MBNL2: variants seen among roughly 807,000 people sequenced by gnomAD.
MBNL2 encodes the protein muscleblind-like protein 2.
MBNL2 carries 17 observed loss-of-function variants against 41.9 expected under a neutral mutation model. The observed-to-expected ratio is 0.41, with a 90% CI of 0.28 to 0.61. The LOEUF (loss-of-function observed/expected upper bound fraction) is 0.61, where lower values mean the gene tolerates loss of function less well. Among genes scored for constraint, MBNL2 ranks in the 20% least tolerant of loss-of-function variants. MBNL2 has a pLI of 0.35. For synonymous variants in MBNL2, 195 were observed against 182.9 expected (o/e 1.07, Z -0.53); for missense variants, 336 against 505.6 (o/e 0.66, Z 3.22).
chr13:97,207,228 G>T, the MBNL2 span, among the ~76,000 whole-genome samples: 12 of 152,226 alleles, frequency 7.9e-5, no homozygotes, highest in African/African-American at 2.4e-4. Flanking sequence ...CTTAAATTAT[G>T]CAGAGAAGCA....
intron 2 of MBNL2, among the ~76,000 whole-genome samples, chr13:97,277,977 C>A (rs141315364): frequency 6.6e-6 from 1 of 151,914 alleles, no homozygotes; most frequent in Non-Finnish European, 1.5e-5. Context: ...CAGTGTAGGC[C>A]GGGCATGGTG....
chr13:97,264,042 G>A lies in MBNL2; in HGVS notation c.-604-11590G>A, dbSNP rs377597289. On this transcript the variant is annotated intron_variant, in intron 1 of 8. Transcript: ENST00000679496. ...TTTTTTTTTTTTGAGATGGAGTCTC[G>A]CTCTGTCACCCAGGCGGGAGTGCAC... Among the ~76,000 whole-genome samples the A allele has an allele frequency of 4.9e-3, 690 of 141,792 alleles. 4 individuals are homozygous for A. Among genetic ancestry groups the A allele is most frequent in the African/African-American group, 0.017 (645 of 37,870 alleles). 93.0% of individuals were successfully genotyped at this position (141,792 alleles called of 152,430 possible).
rs10606011 is a variant in MBNL2, at chr13:97,278,251, C to CA, written c.174+1868dup. 5.6e-3 allele frequency among the ~76,000 whole-genome samples: 229 copies of CA among 40,532 alleles called. 29 individuals carry two copies. Among genetic ancestry groups the CA allele is most frequent in the South Asian group, 0.011 (7 of 618 alleles). 26.6% of individuals were successfully genotyped at this position (40,532 alleles called of 152,430 possible). On this transcript the variant is annotated intron_variant, in intron 2 of 8. Transcript: ENST00000679496. Reference sequence around the variant, plus strand: ...CCTGGGTGATAGAGTGAGACTGTCTCAAAAAAAAAAAAAAAAAAAAAAAAA... The same window carrying CA: ...CCTGGGTGATAGAGTGAGACTGTCTCAAAAAAAAAAAAAAAAAAAAAAAAAA...
At chr13:97,342,440 C>T (rs9300404) in intron 3 of MBNL2, among the ~76,000 whole-genome samples, 1 of 151,964 alleles carries the variant, frequency 6.6e-6, no homozygotes, top group Admixed American at 6.6e-5. Flanking sequence ...AGTTGAACTA[C>T]AGCAAAAAAT....
chr13:97,182,494 T>C, the MBNL2 span, among the ~76,000 whole-genome samples: 3 of 152,222 alleles, frequency 2.0e-5, no homozygotes, highest in Non-Finnish European at 4.4e-5. Flanking sequence ...GTGACACTTA[T>C]GCCATTTAGC....
At chr13:97,173,717 G>A in the MBNL2 span, among the ~76,000 whole-genome samples, 1 of 152,000 alleles carries the variant, frequency 6.6e-6, no homozygotes, top group East Asian at 1.9e-4. Context: ...TCCTCCTCTT[G>A]CCTCTTTGTT....
the MBNL2 span, among the ~76,000 whole-genome samples, chr13:97,146,266 G>T: frequency 1.2e-3 from 188 of 151,806 alleles, 1 homozygote; most frequent in African/African-American, 4.0e-3. Flanking sequence ...CTCCCAAAGT[G>T]CTGGCATTAC....
At chr13:97,227,176 G>A (rs574150945) in intron 1 of MBNL2, among the ~76,000 whole-genome samples, 1 of 152,248 alleles carries the variant, frequency 6.6e-6, no homozygotes, top group Admixed American at 6.5e-5. Context: ...AAGCTGCGAG[G>A]TTCAGGGACG....
chr13:97,357,248 T>C (rs951151534), intron 6 of MBNL2, among the ~76,000 whole-genome samples: 1 of 152,144 alleles, frequency 6.6e-6, no homozygotes. Flanking sequence ...TGCTTGATAG[T>C]TTTTCTTTTC....
intron 1 of MBNL2, among the ~76,000 whole-genome samples, chr13:97,224,751 A>G (rs765213485): frequency 6.6e-6 from 1 of 152,210 alleles, no homozygotes; most frequent in Non-Finnish European, 1.5e-5. Context: ...ATTAAGATAC[A>G]TAGTCATATA....
chr13:97,356,108 C>G (rs2062958734), intron 5 of MBNL2, among the ~76,000 whole-genome samples: 1 of 152,156 alleles, frequency 6.6e-6, no homozygotes, highest in Non-Finnish European at 1.5e-5. Flanking sequence ...AAATTTGGAA[C>G]TTTAGTCCAC....
chr13:97,374,393 CGCCTCA>C (rs2064760929), intron 8 of MBNL2, among the ~76,000 whole-genome samples: 1 of 151,472 alleles, frequency 6.6e-6, no homozygotes, highest in South Asian at 2.1e-4. Context: ...GTGATCCGCC[CGCCTCA>C]GCCTCCCAAA....
chr13:97,206,961 G>C, the MBNL2 span, among the ~76,000 whole-genome samples: 1 of 152,156 alleles, frequency 6.6e-6, no homozygotes, highest in African/African-American at 2.4e-5. Context: ...AATGGATTTA[G>C]TAATACAAGG....
chr13:97,173,944 G>A, the MBNL2 span, among the ~76,000 whole-genome samples: 39 of 152,184 alleles, frequency 2.6e-4, no homozygotes, highest in African/African-American at 7.2e-4. Context: ...TTCATGTGCC[G>A]TAAAAATTTA....
Position 97,233,423 on chromosome 13 carries a change from C to T in MBNL2, c.-605+10892C>T, listed in dbSNP as rs2042745599. Among the ~76,000 whole-genome samples the T allele has an allele frequency of 2.0e-5, 3 of 146,862 alleles. No homozygotes were observed. The Admixed American group carries it at 2.1e-4, about 10-fold the overall frequency. On this transcript the variant is annotated intron_variant, in intron 1 of 8. Transcript: ENST00000679496. The stretch of plus-strand genomic sequence containing the variant: ...AGTGCTCTGCCTGCTCCTGCGCTAG[C>T]CCATGGTCTCTTTTCTAATGTCCTG...
chr13:97,329,112 T>C lies in MBNL2; in HGVS notation c.175-5164T>C, dbSNP rs1171984102. The stretch of plus-strand genomic sequence containing the variant: ...TCCTTCCTCCTGTCGAGAATCAACA[T>C]GAGTATTCTGTATTAGAATCTTTCA... On this transcript the variant is annotated intron_variant, in intron 2 of 8. Transcript: ENST00000679496. 2.6e-5 allele frequency among the ~76,000 whole-genome samples: 4 copies of C among 152,300 alleles called. No homozygotes were observed. The East Asian group carries it at 7.7e-4, about 29-fold the overall frequency.
At chr13:97,374,062 C>CCTTTTTTTTTTT (rs1594284568) in intron 8 of MBNL2, among the ~76,000 whole-genome samples, 1 of 53,398 alleles carries the variant, frequency 1.9e-5, no homozygotes, top group Non-Finnish European at 4.0e-5. Flanking sequence ...TCCTCCTTTG[C>CCTTTTTTTTTTT]ATTTTTTTTT....
At position 97,276,256 on chromosome 13, in the gene MBNL2, A is replaced by G. The variant is rs767385632; in HGVS notation, c.21A>G (p.Pro7=). The change falls in exon 2 of 9, where the codon CCA becomes CCG. Residue 7 remains proline, a synonymous_variant. Transcript: ENST00000679496. The part of the protein sequence containing the change: MALNVA[P]VRDTKWLTLE... ...TCACCATGGCTTTGAACGTTGCCCC[A>G]GTCAGAGATACAAAATGGCTGACAT... 1.9e-5 allele frequency: 31 copies of G among 1,613,772 alleles called. No homozygotes were observed. The highest frequency in any genetic ancestry group is 1.9e-5 in the Non-Finnish European group (22 of 1,179,812).
At chr13:97,208,484 T>C in the MBNL2 span, among the ~76,000 whole-genome samples, 1 of 152,212 alleles carries the variant, frequency 6.6e-6, no homozygotes, top group African/African-American at 2.4e-5. Context: ...GGATAGTTCC[T>C]AGAACTACAA....
Sources: gnomAD v4.1 joint callset for allele counts (sites outside exome capture counted in the v4.1 genomes callset) on GRCh38, gnomAD v4.1.1 for gene constraint, MANE v1.5 for transcripts, NCBI Gene and HGNC (gene_info 2026-07-23, HGNC 2026-07-21) for gene names.